The following CCDC124 variants were observed in gnomAD, a reference collection of about 807,000 sequenced individuals.
The protein encoded by CCDC124 is coiled-coil domain-containing protein 124.
Under a neutral mutation model 19.8 loss-of-function variants are expected in CCDC124, and 9 were observed. The observed-to-expected ratio is 0.45, with a 90% CI of 0.27 to 0.79. The LOEUF (loss-of-function observed/expected upper bound fraction) is 0.79, where lower values mean the gene tolerates loss of function less well. CCDC124 is among the 30% of genes least tolerant of loss of function. The probability of loss-of-function intolerance (pLI) is 0.14; values close to 1 mark genes in which losing one functional copy is unlikely to be tolerated. For synonymous variants in CCDC124, 126 were observed against 131.3 expected, an observed-to-expected ratio of 0.96 and a Z score of 0.27; for missense variants, 285 against 319.0, an observed-to-expected ratio of 0.89 and a Z score of 0.81.
In CCDC124 at chr19:17,942,645, C is replaced by T. The variant is rs759503975; in HGVS notation, c.160-11C>T. 1.4e-4 allele frequency: 215 copies of T among 1,552,374 alleles called. No individual in the cohort carries two copies. Among genetic ancestry groups the T allele is most frequent in the Non-Finnish European group, 1.8e-4 (209 of 1,148,162 alleles). The stretch of plus-strand genomic sequence containing the variant: ...GGGTCTTCTGCCTGACCATGCACGC[C>T]GCCCCCGCAGGAGGAGAAGGAGAAG... On this transcript the variant is annotated splice_polypyrimidine_tract_variant and intron_variant, in intron 2 of 4. Coordinates refer to ENST00000445755, the MANE Select transcript of CCDC124 (RefSeq NM_001136203.2). The surrounding 1 kb of genome is among the most constrained non-coding windows in gnomAD (Gnocchi z 4.2).
In CCDC124 at chr19:17,942,544, C is replaced by G; in HGVS notation, c.160-112C>G. On this transcript the variant is annotated intron_variant, in intron 2 of 4. Coordinates refer to ENST00000445755, the MANE Select transcript of CCDC124 (RefSeq NM_001136203.2). This position sits in a 1 kb window ranked among gnomAD's most constrained non-coding sequence, Gnocchi z 4.2. Reference sequence around the variant, plus strand: ...TCTTGTTCCTGGTATGTCCCCTGCACCCAGCACAGAGCCTAAATCCTCGTT... The same window carrying G: ...TCTTGTTCCTGGTATGTCCCCTGCAGCCAGCACAGAGCCTAAATCCTCGTT... 1 of 1,252,428 alleles carries G rather than the reference C, an allele frequency of 8.0e-7. No individual in the cohort carries two copies. The highest frequency in any genetic ancestry group is 1.4e-5 in the South Asian group (1 of 69,152). The allele number at this position is 1,252,428 out of a possible 1,614,324, so 77.6% of individuals were successfully genotyped here.
chr19:17,936,526 G>A lies in CCDC124; in HGVS notation c.106G>A (p.Asp36Asn), dbSNP rs943187105. Reference protein sequence around the residue: ...ADAKKQKELEDAYWKDDDKHV... With the variant: ...ADAKKQKELENAYWKDDDKHV... ...TGCCAAGAAGCAGAAGGAGCTGGAG[G>A]ATGCCTACTGGAAGGACGACGACAA... Residue 36 changes from aspartate (D) to asparagine (N), a missense_variant, in exon 2 of 5, where the codon GAT becomes AAT. Asp to Asn is a conservative substitution (Grantham distance 23, BLOSUM62 1). Coordinates refer to ENST00000445755, the MANE Select transcript of CCDC124 (RefSeq NM_001136203.2). 1.2e-6 allele frequency: 2 copies of A among 1,613,658 alleles called. No individual in the cohort carries two copies. Among genetic ancestry groups the A allele is most frequent in the East Asian group, 4.5e-5 (2 of 44,874 alleles).
rs2030979732 is a variant in CCDC124, at chr19:17,933,018, G to C, written c.-42G>C. 6.6e-6 allele frequency: 1 copy of C among 152,230 alleles called. No homozygotes were observed. The highest frequency in any genetic ancestry group is 1.5e-5 in the Non-Finnish European group (1 of 68,064). The allele number at this position is 152,230 out of a possible 1,614,324, so 9.4% of individuals were successfully genotyped here. ...GCAGGCCCCATGATGACGTCACGGA[G>C]GCGCGACCGGGCCGGCGCTGGGGTA... On this transcript the variant is annotated 5_prime_UTR_variant, in exon 1 of 5. Transcript: ENST00000445755.
intron 2 of CCDC124, among the ~76,000 whole-genome samples, chr19:17,939,455 C>T (rs949510966): frequency 1.3e-5 from 2 of 152,040 alleles, no homozygotes; most frequent in African/African-American, 4.8e-5. Flanking sequence ...GAGACCTTTC[C>T]GCCCATAGTG....
intron 1 of CCDC124, among the ~76,000 whole-genome samples, chr19:17,934,048 G>GGTGAAAAACAGCATTC (rs1568437227): frequency 6.6e-6 from 1 of 152,000 alleles, no homozygotes; most frequent in African/African-American, 2.4e-5. Flanking sequence ...AAATTGCCAG[G>GGTGAAAAACAGCATTC]CACTGTGGCT....
chr19:17,938,544 G>A (rs978504765), intron 2 of CCDC124, among the ~76,000 whole-genome samples: 1 of 152,094 alleles, frequency 6.6e-6, no homozygotes, highest in African/African-American at 2.4e-5. Flanking sequence ...CTGACAACAT[G>A]CCCAGTTCTT....
chr19:17,941,303 G>A (rs2031174663), intron 2 of CCDC124, among the ~76,000 whole-genome samples: 1 of 151,924 alleles, frequency 6.6e-6, no homozygotes, highest in African/African-American at 2.4e-5. Flanking sequence ...TTGAGGTCAG[G>A]AGTTCGAGAC....
Position 17,943,242 on chromosome 19 carries a change from C to CGGGGGGGGG in CCDC124, c.350-19_350-18insGGGGGGGGG. 4.5e-5 allele frequency: 33 copies of CGGGGGGGGG among 734,676 alleles called. No individual in the cohort carries two copies. Among genetic ancestry groups the CGGGGGGGGG allele is most frequent in the Non-Finnish European group, 6.9e-5 (29 of 419,644 alleles). 45.5% of individuals were successfully genotyped at this position (734,676 alleles called of 1,614,324 possible). On this transcript the variant is annotated intron_variant, in intron 3 of 4. Transcript: ENST00000445755. ...TTTGCTTATCTCTCTCTGTCTCTGT[C>CGGGGGGGGG]ACCCACCCACCCGCCCAGCCGAGAA...
Position 17,942,693 on chromosome 19 carries a change from G to A in CCDC124, c.197G>A (p.Arg66His), listed in dbSNP as rs1244235264. 5.1e-6 allele frequency: 8 copies of A among 1,556,102 alleles called. No homozygotes were observed. Among genetic ancestry groups the A allele is most frequent in the East Asian group, 2.4e-5 (1 of 42,282 alleles). Residue 66 changes from arginine to histidine, a missense_variant, in exon 3 of 5, where the codon CGT becomes CAT. Coordinates refer to ENST00000445755, the MANE Select transcript of CCDC124 (RefSeq NM_001136203.2). The surrounding 1 kb of genome is among the most constrained non-coding windows in gnomAD (Gnocchi z 4.2). ...KEKRRLDQLE[R>H]KKETQRLLEE... is the part of the protein sequence containing the mutation. ...AAGCGGCGCCTCGACCAGCTGGAAC[G>A]TAAGAAGGAGACGCAGCGCCTACTG...
At chr19:17,934,983 A>G (rs1395054117) in intron 1 of CCDC124, 1 of 149,546 alleles carries the variant, frequency 6.7e-6, no homozygotes, top group Non-Finnish European at 1.5e-5. Flanking sequence ...TGGCACAATC[A>G]TAGCTCACTG....
chr19:17,943,241 T>TCTGGC lies in CCDC124; in HGVS notation c.350-19_350-18insTGGCC. 1.8e-5 allele frequency: 13 copies of TCTGGC among 736,638 alleles called. No homozygotes were observed. Among genetic ancestry groups the TCTGGC allele is most frequent in the East Asian group, 8.1e-5 (3 of 37,082 alleles). 45.6% of individuals were successfully genotyped at this position (736,638 alleles called of 1,614,324 possible). On this transcript the variant is annotated intron_variant, in intron 3 of 4. Transcript: ENST00000445755. Reference sequence around the variant, plus strand: ...CTTTGCTTATCTCTCTCTGTCTCTGTCACCCACCCACCCGCCCAGCCGAGA... The same window carrying TCTGGC: ...CTTTGCTTATCTCTCTCTGTCTCTGTCTGGCCACCCACCCACCCGCCCAGCCGAGA...
Position 17,936,546 on chromosome 19 carries a change from C to T in CCDC124, c.126C>T (p.Asp42=), listed in dbSNP as rs144329794. 742 of 1,613,442 alleles carry T rather than the reference C, an allele frequency of 4.6e-4. No homozygotes were observed. The East Asian group carries it at 4.9e-3, about 11-fold the overall frequency. Residue 42 remains aspartate, a synonymous_variant, in exon 2 of 5, where the codon GAC becomes GAT. Coordinates refer to ENST00000445755, the MANE Select transcript of CCDC124 (RefSeq NM_001136203.2). ...KELEDAYWKD[D]DKHVMRKEQR... is the part of the protein sequence containing the mutation. The stretch of plus-strand genomic sequence containing the variant: ...TGGAGGATGCCTACTGGAAGGACGA[C>T]GACAAACACGTCATGAGGAAGGAGC...
intron 1 of CCDC124, among the ~76,000 whole-genome samples, chr19:17,934,717 A>G (rs1024479854): frequency 5.3e-5 from 8 of 151,674 alleles, no homozygotes; most frequent in African/African-American, 1.2e-4. Flanking sequence ...CAGGAGGTCA[A>G]GGCTGCAGTA....
At chr19:17,936,355 G>A (rs1183837218) in intron 1 of CCDC124, 55 bp from the exon 2 acceptor site, 2 of 1,446,166 alleles carry the variant, frequency 1.4e-6, no homozygotes, top group Admixed American at 2.1e-5. Flanking sequence ...TGGGGGTGCT[G>A]AGTGCCGATG....
chr19:17,942,826 C>T lies in CCDC124; in HGVS notation c.330C>T (p.Leu110=), dbSNP rs541765064. 5.9e-6 allele frequency: 9 copies of T among 1,523,776 alleles called. No individual in the cohort carries two copies. The African/African-American group carries it at 9.7e-5, about 16-fold the overall frequency. 94.4% of individuals were successfully genotyped at this position (1,523,776 alleles called of 1,614,324 possible). A position where few individuals can be genotyped will look rare whatever the true frequency, so the allele number is the denominator to read the frequency against. ...IEDTLRRDHQ[L]REAPDTAEKA... ...ACACGCTGCGCCGAGACCATCAGCTCAGGGAGGCCCCGGACACAGGTCGGG... is the reference window on the plus strand; with the variant it reads ...ACACGCTGCGCCGAGACCATCAGCTTAGGGAGGCCCCGGACACAGGTCGGG... Residue 110 remains leucine, a synonymous_variant, in exon 3 of 5, where the codon CTC becomes CTT. Coordinates refer to ENST00000445755, the MANE Select transcript of CCDC124 (RefSeq NM_001136203.2). This position sits in a 1 kb window ranked among gnomAD's most constrained non-coding sequence, Gnocchi z 4.2.
At chr19:17,933,718 A>G (rs1046887381) in intron 1 of CCDC124, among the ~76,000 whole-genome samples, 1 of 151,866 alleles carries the variant, frequency 6.6e-6, no homozygotes, top group Non-Finnish European at 1.5e-5. Context: ...ACTCATTCAG[A>G]CTTTTCCTTA....
chr19:17,936,543 C>T lies in CCDC124; in HGVS notation c.123C>T (p.Asp41=), dbSNP rs147514137. 28 of 1,613,352 alleles carry T rather than the reference C, an allele frequency of 1.7e-5. No homozygotes were observed. The Middle Eastern group carries it at 6.6e-4, about 38-fold the overall frequency. Residue 41 remains aspartate, a synonymous_variant, in exon 2 of 5, where the codon GAC becomes GAT. Transcript: ENST00000445755. The part of the protein sequence containing the change: ...QKELEDAYWK[D]DDKHVMRKEQ... ...AGCTGGAGGATGCCTACTGGAAGGA[C>T]GACGACAAACACGTCATGAGGAAGG... is the stretch of plus-strand genomic sequence containing the variant.
In CCDC124 at chr19:17,943,601, A is replaced by G. The variant is rs2031242551; in HGVS notation, c.558A>G (p.Gln186=). ...AAGCCCAGCTGCCGCGGCTCAAACA[A>G]GAGAACCCCAACATGCGGCTGTCGC... The part of the protein sequence containing the change: ...FEEAQLPRLK[Q]ENPNMRLSQL... Residue 186 remains glutamine (Q), a synonymous_variant, in exon 5 of 5, where the codon CAA becomes CAG. Coordinates refer to ENST00000445755, the MANE Select transcript of CCDC124 (RefSeq NM_001136203.2). 1 of 1,612,954 alleles carries G rather than the reference A, an allele frequency of 6.2e-7. No homozygotes were observed. Among genetic ancestry groups the G allele is most frequent in the Non-Finnish European group, 8.5e-7 (1 of 1,179,916 alleles).
At chr19:17,935,226 TATGG>T (rs2031033779) in intron 1 of CCDC124, 1 of 152,098 alleles carries the variant, frequency 6.6e-6, no homozygotes, top group Non-Finnish European at 1.5e-5. Flanking sequence ...ATTCCATTGA[TATGG>T]ACTGAAATGT....
Sources: gnomAD v4.1 joint callset for allele counts (sites outside exome capture counted in the v4.1 genomes callset) on GRCh38, gnomAD v4.1.1 for gene constraint, Gnocchi (gnomAD v3.1) non-coding constraint, MANE v1.5 for transcripts, NCBI Gene and HGNC (gene_info 2026-07-23, HGNC 2026-07-21) for gene names.